Variants in TIAM1 observed in about 807,000 individuals in gnomAD.
TIAM1 encodes TIAM Rac1 associated GEF 1.
A neutral mutation model predicts 163.5 loss-of-function variants in TIAM1; 65 were observed. That is an observed-to-expected ratio of 0.40 (90% CI 0.33 to 0.49). The LOEUF is 0.49. Ranked by LOEUF, TIAM1 falls within the 20% of genes least tolerant of loss-of-function variation. The pLI, the probability that TIAM1 is intolerant of heterozygous loss-of-function variation, is 0.77. For missense variants in TIAM1, 1,789 were observed against 2,044.7 expected, an observed-to-expected ratio of 0.87 and a Z score of 2.41; for synonymous variants, 833 against 810.1, an observed-to-expected ratio of 1.03 and a Z score of -0.48.
chr21:31,413,264 C>CTTTTTTTTTTTTTTTTTTTTTT (rs397866519), intron 2 of TIAM1, among the ~76,000 whole-genome samples: 83 of 87,858 alleles, frequency 9.4e-4, no homozygotes, highest in South Asian at 1.3e-3. Context: ...CTTTTCTTTT[C>CTTTTTTTTTTTTTTTTTTTTTT]TTTTTTTTTT....
intron 2 of TIAM1, among the ~76,000 whole-genome samples, chr21:31,315,142 G>A (rs867804028): frequency 3.3e-5 from 5 of 152,206 alleles, no homozygotes; most frequent in Middle Eastern, 3.4e-3. Context: ...AGGCCATGGC[G>A]GATGGATCAC....
At chr21:31,531,535 C>G (rs762140228) in intron 1 of TIAM1, among the ~76,000 whole-genome samples, 57 of 151,628 alleles carry the variant, frequency 3.8e-4, no homozygotes, top group Non-Finnish European at 6.8e-4. Context: ...TCCATGTGAT[C>G]GCTATAGTGA....
At chr21:31,274,274 A>G (rs1398352029) in intron 3 of TIAM1, among the ~76,000 whole-genome samples, 4 of 152,144 alleles carry the variant, frequency 2.6e-5, no homozygotes, top group Non-Finnish European at 5.9e-5. Context: ...GGTCAACCCT[A>G]TATGACCCAA....
intron 2 of TIAM1, among the ~76,000 whole-genome samples, chr21:31,410,352 G>T (rs759115905): frequency 1.3e-5 from 2 of 152,028 alleles, no homozygotes; most frequent in African/African-American, 2.4e-5. Context: ...GTGTGTGTGT[G>T]TATGTGTGAG....
chr21:31,245,743 C>T, intron 5 of TIAM1, 83 bp from the exon 6 acceptor site: 1 of 1,230,512 alleles, frequency 8.1e-7, no homozygotes, highest in African/African-American at 1.6e-5. Context: ...ACATGTGCAC[C>T]CTGTCAGAGG....
At chr21:31,447,711 G>A (rs2044677896) in intron 2 of TIAM1, among the ~76,000 whole-genome samples, 1 of 152,104 alleles carries the variant, frequency 6.6e-6, no homozygotes, top group Non-Finnish European at 1.5e-5. Context: ...GAAATGAGGA[G>A]GTGGACAGTG....
intron 16 of TIAM1, among the ~76,000 whole-genome samples, chr21:31,164,072 T>C (rs2084072378): frequency 6.6e-6 from 1 of 152,096 alleles, no homozygotes. Flanking sequence ...GAACTCTTTA[T>C]GAAGTGGAAT....
At chr21:31,440,146 T>A (rs1360471075) in intron 2 of TIAM1, among the ~76,000 whole-genome samples, 1 of 152,212 alleles carries the variant, frequency 6.6e-6, no homozygotes. Flanking sequence ...AAACGTTAGC[T>A]AATATTGTGT....
chr21:31,344,828 TCA>T (rs2147105291), upstream of TIAM1, among the ~76,000 whole-genome samples: 1 of 152,328 alleles, frequency 6.6e-6, no homozygotes, highest in East Asian at 1.9e-4. Context: ...TTAAAATTAC[TCA>T]CATAGTGGAA....
intron 1 of TIAM1, among the ~76,000 whole-genome samples, chr21:31,464,259 C>A (rs1207385721): frequency 6.6e-6 from 1 of 152,154 alleles, no homozygotes; most frequent in African/African-American, 2.4e-5. Context: ...AGATGGAGTC[C>A]ACACAGAGTC....
At chr21:31,546,961 G>C (rs955093854) in intron 1 of TIAM1, among the ~76,000 whole-genome samples, 4 of 49,462 alleles carry the variant, frequency 8.1e-5, no homozygotes, top group Admixed American at 4.4e-4. Flanking sequence ...AAAATAGTGG[G>C]GGGGGGCTGG....
At chr21:31,193,539 C>T (rs1225790455) in intron 13 of TIAM1, among the ~76,000 whole-genome samples, 3 of 152,182 alleles carry the variant, frequency 2.0e-5, no homozygotes, top group South Asian at 4.1e-4. Context: ...AAACAGGGCC[C>T]GCTGAAGCTC....
chr21:31,329,045 G>A (rs181235409), intron 2 of TIAM1, among the ~76,000 whole-genome samples: 15 of 152,302 alleles, frequency 9.8e-5, no homozygotes, highest in African/African-American at 3.6e-4. Context: ...TTTCAAATGT[G>A]TGGAAGGATG....
intron 2 of TIAM1, among the ~76,000 whole-genome samples, chr21:31,277,246 G>A (rs1043964097): frequency 1.3e-5 from 2 of 152,152 alleles, no homozygotes; most frequent in Admixed American, 6.5e-5. Context: ...AACCAAGATC[G>A]TGACAAGAGT....
rs1389359213 is a variant in TIAM1 at position 31,266,995 on chromosome 21, CG to C, written c.-11-13del. On this transcript the variant is annotated splice_polypyrimidine_tract_variant and intron_variant, in intron 3 of 27. Transcript: ENST00000541036. Reference sequence around the variant, plus strand: ...CATGGTTTTATGGTCTGCAGCAAAGCGGGGGGAAAGGGGAGAATTGAGTCAC... The same window carrying C: ...CATGGTTTTATGGTCTGCAGCAAAGCGGGGGAAAGGGGAGAATTGAGTCAC... The C allele has an allele frequency of 5.1e-6, 8 of 1,577,016 alleles. No individual in the cohort carries two copies. In the African/African-American group the frequency reaches 8.1e-5, roughly 16 times the overall value.
intron 1 of TIAM1, among the ~76,000 whole-genome samples, chr21:31,466,785 T>C (rs1008146089): frequency 3.9e-5 from 6 of 152,130 alleles, no homozygotes; most frequent in Admixed American, 1.3e-4. Flanking sequence ...TTTTGCAAAA[T>C]CTAGAAATGG....
rs2081905007 is a variant in TIAM1 at position 31,119,002 on chromosome 21, C to T, written c.*1366G>A. The T allele has an allele frequency of 6.4e-6, 1 of 155,206 alleles. No homozygotes were observed. The highest frequency in any genetic ancestry group is 1.4e-5 in the Non-Finnish European group (1 of 70,124). The allele number at this position is 155,206 out of a possible 1,614,324, so 9.6% of individuals were successfully genotyped here. A position where few individuals can be genotyped will look rare whatever the true frequency, so the allele number is the denominator to read the frequency against. ...AAAGTACCTACTGATGTGTCAAACA[C>T]CAAATAGATATTTTCCCCAAAAAGA... is the stretch of plus-strand genomic sequence containing the variant. On this transcript the variant is annotated 3_prime_UTR_variant, in exon 28 of 28. Transcript: ENST00000541036.
At position 31,153,083 on chromosome 21, in the gene TIAM1, A is replaced by G. The variant is rs1174328379; in HGVS notation, c.3223T>C (p.Phe1075Leu). 6.2e-7 allele frequency: 1 copy of G among 1,613,726 alleles called. No individual in the cohort carries two copies. The highest frequency in any genetic ancestry group is 8.5e-7 in the Non-Finnish European group (1 of 1,179,910). The change falls in exon 18 of 28, where the codon TTT (phenylalanine) becomes CTT (leucine). Residue 1075 changes from phenylalanine to leucine, a missense_variant. Coordinates refer to ENST00000541036, the MANE Select transcript of TIAM1 (RefSeq NM_001353694.2). Reference sequence around the variant, plus strand: ...CAGCATACCTCATCCTGGGTGAGAAAAGTTTCTTTTTGAAGAGGCTTTAGG... The same window carrying G: ...CAGCATACCTCATCCTGGGTGAGAAGAGTTTCTTTTTGAAGAGGCTTTAGG... ...RYLKPLQKET[F>L]LTQDELDVLF...
At chr21:31,360,919 G>C (rs572277385) in intron 2 of TIAM1, among the ~76,000 whole-genome samples, 1 of 152,284 alleles carries the variant, frequency 6.6e-6, no homozygotes, top group African/African-American at 2.4e-5. Context: ...TTTTCTGAGG[G>C]CATAATGCAA....
Sources: gnomAD v4.1 joint callset for allele counts (sites outside exome capture counted in the v4.1 genomes callset) on GRCh38, gnomAD v4.1.1 for gene constraint, MANE v1.5 for transcripts, NCBI Gene and HGNC (gene_info 2026-07-23, HGNC 2026-07-21) for gene names.